The following HYLS1 variants were observed in gnomAD, a reference collection of about 807,000 sequenced individuals.
HYLS1 encodes centriolar and ciliogenesis-associated protein HYLS1.
A neutral mutation model predicts 29.4 loss-of-function variants in HYLS1; 25 were observed. The ratio of observed to expected loss-of-function variants is 0.85; its 90% confidence interval spans 0.62 to 1.19. The LOEUF is 1.19. HYLS1 is among the 50% of genes most tolerant of loss of function. The pLI, the probability that HYLS1 is intolerant of heterozygous loss-of-function variation, is 0.00. For synonymous variants in HYLS1, 128 were observed against 126.7 expected (o/e 1.01, Z -0.07); for missense variants, 352 against 365.1 (o/e 0.96, Z 0.29).
At chr11:125,884,279 T>G (rs1944270550), upstream of HYLS1, among the ~76,000 whole-genome samples, 1 of 152,220 alleles carries the variant, frequency 6.6e-6, no homozygotes, top group Non-Finnish European at 1.5e-5. Context: ...TATCTGATGA[T>G]AGTAAGAAAA....
upstream of HYLS1, among the ~76,000 whole-genome samples, chr11:125,884,177 T>A (rs1365011891): frequency 6.6e-6 from 1 of 152,158 alleles, no homozygotes; most frequent in Non-Finnish European, 1.5e-5. Flanking sequence ...AAAGAACATA[T>A]GGATTTGACA....
chr11:125,887,618 T>A (rs556650248), upstream of HYLS1: 1 of 152,316 alleles, frequency 6.6e-6, no homozygotes, highest in African/African-American at 2.4e-5. Flanking sequence ...CTCTCCGGAT[T>A]TAAACCTCAG....
In HYLS1 at chr11:125,889,962, CAG is replaced by C. The variant is rs375886790; in HGVS notation, c.-75-1459_-75-1458del. On this transcript the variant is annotated intron_variant, in intron 1 of 2. Coordinates refer to ENST00000425380, the MANE Select transcript of HYLS1 (RefSeq NM_001134793.2). The stretch of plus-strand genomic sequence containing the variant: ...ATTAATTTTTGTTGCTGTTTAGAAA[CAG>C]ACGTTGGCTTTGTGCCCAGGCTGGA... Among the ~76,000 whole-genome samples, 4 of 152,266 alleles carry C rather than the reference CAG, an allele frequency of 2.6e-5. No homozygotes were observed. The East Asian group carries it at 7.7e-4, about 29-fold the overall frequency.
intron 1 of HYLS1, among the ~76,000 whole-genome samples, 166 bp from the exon 2 acceptor site, chr11:125,891,257 A>G (rs1453802568): frequency 1.3e-5 from 2 of 152,202 alleles, no homozygotes; most frequent in Non-Finnish European, 2.9e-5. Context: ...ATTGGATAAT[A>G]TAATCTAGCC....
In HYLS1 at chr11:125,900,004, G is replaced by A. The variant is rs1201166303; in HGVS notation, c.636G>A (p.Arg212=). 1 of 1,614,058 alleles carries A rather than the reference G, an allele frequency of 6.2e-7. No individual in the cohort carries two copies. The highest frequency in any genetic ancestry group is 8.5e-7 in the Non-Finnish European group (1 of 1,180,048). ...GCCGAAACCGGGGCAAGACAGACCG[G>A]GTAGCCCGGTATTTTGAGTACAAAC... ...QLSRNRGKTD[R]VARYFEYKRD... The change falls in exon 3 of 3, where the codon CGG becomes CGA. Residue 212 remains arginine, a synonymous_variant. Coordinates refer to ENST00000425380, the MANE Select transcript of HYLS1 (RefSeq NM_001134793.2).
intron 1 of HYLS1, among the ~76,000 whole-genome samples, chr11:125,889,964 G>C (rs1252481727): frequency 6.6e-6 from 1 of 152,144 alleles, no homozygotes; most frequent in Admixed American, 6.5e-5. Context: ...TTTAGAAACA[G>C]ACGTTGGCTT....
chr11:125,886,472 A>G (rs1283935843), upstream of HYLS1, among the ~76,000 whole-genome samples: 1 of 152,018 alleles, frequency 6.6e-6, no homozygotes, highest in South Asian at 2.1e-4. Flanking sequence ...ACTCAAGACC[A>G]GTTGAGATAG....
At chr11:125,895,984 G>A (rs759784578) in intron 2 of HYLS1, 2 of 1,614,078 alleles carry the variant, frequency 1.2e-6, no homozygotes, top group Non-Finnish European at 1.7e-6. Context: ...TCTACTAGTC[G>A]AGTCTTGGTT....
At chr11:125,886,156 C>A (rs1298985616), upstream of HYLS1, among the ~76,000 whole-genome samples, 2 of 152,120 alleles carry the variant, frequency 1.3e-5, no homozygotes, top group African/African-American at 4.8e-5. Flanking sequence ...AAGGTTGGGA[C>A]CGCTGCACTA....
At chr11:125,893,574 C>T (rs747466937) in intron 2 of HYLS1, 11 of 442,422 alleles carry the variant, frequency 2.5e-5, no homozygotes, top group South Asian at 1.5e-4. Flanking sequence ...GTTCTTTAAT[C>T]GCTTAATCCT....
At chr11:125,893,968 T>G (rs773686841) in intron 2 of HYLS1, 1 of 1,614,202 alleles carries the variant, frequency 6.2e-7, no homozygotes, top group Non-Finnish European at 8.5e-7. Context: ...ATTCCAGTCC[T>G]TGGCATTTAG....
At chr11:125,893,729 C>CT in intron 2 of HYLS1, 3 of 1,089,394 alleles carry the variant, frequency 2.8e-6, no homozygotes, top group Non-Finnish European at 3.6e-6. Flanking sequence ...TTTTTTTTTT[C>CT]CTTTTCTGTC....
At chr11:125,893,836 C>T in intron 2 of HYLS1, 2 of 1,613,914 alleles carry the variant, frequency 1.2e-6, no homozygotes, top group Non-Finnish European at 1.7e-6. Context: ...TCGTTGGTGT[C>T]TCCAAATTAG....
chr11:125,895,827 C>A (rs766571321), intron 2 of HYLS1: 2 of 1,579,588 alleles, frequency 1.3e-6, no homozygotes, highest in Admixed American at 1.7e-5. Flanking sequence ...TTTAGAGACA[C>A]AAATAATCTC....
At chr11:125,899,140 A>G (rs1591506458) in intron 2 of HYLS1, 2 of 539,518 alleles carry the variant, frequency 3.7e-6, no homozygotes, top group East Asian at 3.1e-5. Context: ...AGCAGGAGTA[A>G]GAGTGGAAAT....
At chr11:125,889,749 CAAT>C (rs1156400316) in intron 1 of HYLS1, among the ~76,000 whole-genome samples, 13 of 151,940 alleles carry the variant, frequency 8.6e-5, no homozygotes, top group Admixed American at 5.2e-4. Context: ...AAAACAACAA[CAAT>C]AATAATAATG....
chr11:125,886,492 G>T (rs1944306785), upstream of HYLS1, among the ~76,000 whole-genome samples: 1 of 151,546 alleles, frequency 6.6e-6, no homozygotes, highest in Non-Finnish European at 1.5e-5. Flanking sequence ...GGTTTGCTTG[G>T]TATTGACTAG....
At chr11:125,887,486 C>G (rs1186765038), upstream of HYLS1, 1 of 152,302 alleles carries the variant, frequency 6.6e-6, no homozygotes, top group East Asian at 1.9e-4. Context: ...AAATCCCGGG[C>G]ATGCTCCCGC....
chr11:125,888,589 T>C (rs1944351352), intron 1 of HYLS1, among the ~76,000 whole-genome samples: 1 of 151,558 alleles, frequency 6.6e-6, no homozygotes, highest in South Asian at 2.1e-4. Flanking sequence ...ACCAATACGG[T>C]GAAACCCCGT....
Sources: gnomAD v4.1 joint callset for allele counts (sites outside exome capture counted in the v4.1 genomes callset) on GRCh38, gnomAD v4.1.1 for gene constraint, MANE v1.5 for transcripts, NCBI Gene and HGNC (gene_info 2026-07-23, HGNC 2026-07-21) for gene names.